The following GPC6 variants were observed in gnomAD, a reference collection of about 807,000 sequenced individuals.
The protein encoded by GPC6 is glypican-6.
A neutral mutation model predicts 55.2 loss-of-function variants in GPC6; 14 were observed. The observed-to-expected ratio is 0.25, with a 90% CI of 0.17 to 0.40. The LOEUF (loss-of-function observed/expected upper bound fraction) is 0.40, where lower values mean the gene tolerates loss of function less well. Ranked by LOEUF, GPC6 falls within the 10% of genes least tolerant of loss-of-function variation. The pLI is 1.00. For synonymous variants in GPC6, 278 were observed against 259.6 expected, an observed-to-expected ratio of 1.07 and a Z score of -0.68; for missense variants, 641 against 708.5, an observed-to-expected ratio of 0.90 and a Z score of 1.08.
At chr13:93,608,703 G>A in intron 2 of GPC6, among the ~76,000 whole-genome samples, 1 of 152,188 alleles carries the variant, frequency 6.6e-6, no homozygotes, top group Non-Finnish European at 1.5e-5. Context: ...TAATTCCTGA[G>A]GAAGTTCTGT....
chr13:93,773,894 G>A (rs548623350), intron 2 of GPC6, among the ~76,000 whole-genome samples: 1 of 152,280 alleles, frequency 6.6e-6, no homozygotes, highest in East Asian at 1.9e-4. Flanking sequence ...TCTTTTAAGG[G>A]AGAGATTTTA....
intron 1 of GPC6, among the ~76,000 whole-genome samples, chr13:93,524,031 G>A (rs2139403904): frequency 6.6e-6 from 1 of 152,112 alleles, no homozygotes; most frequent in African/African-American, 2.4e-5. Flanking sequence ...GGAAAGTCAT[G>A]TATACTGGAG....
At chr13:94,164,121 A>G (rs1449722202) in intron 4 of GPC6, among the ~76,000 whole-genome samples, 1 of 152,210 alleles carries the variant, frequency 6.6e-6, no homozygotes, top group African/African-American at 2.4e-5. Context: ...CCTTAACTTC[A>G]TCACATACCA....
Position 93,830,321 on chromosome 13 carries a change from G to T in GPC6, c.487G>T (p.Asp163Tyr). The change falls in exon 3 of 9, where the codon GAC (aspartate) becomes TAC (tyrosine). Residue 163 changes from aspartate (D) to tyrosine (Y), a missense_variant. By Grantham distance (160) the Asp-to-Tyr change is radical (BLOSUM62 -3). Transcript: ENST00000377047. ...GNVNLEEMLNDFWARLLERMF... is the reference protein window; with the variant it reads ...GNVNLEEMLNYFWARLLERMF... The stretch of plus-strand genomic sequence containing the variant: ...TGTGAATCTGGAGGAAATGCTCAAT[G>T]ACTTTTGGGCTCGGCTCCTGGAACG... 6.2e-7 allele frequency: 1 copy of T among 1,614,002 alleles called. No individual in the cohort carries two copies. The highest frequency in any genetic ancestry group is 1.1e-5 in the South Asian group (1 of 91,074).
intron 1 of GPC6, among the ~76,000 whole-genome samples, chr13:93,523,617 T>G (rs1881534458): frequency 6.6e-6 from 1 of 152,006 alleles, no homozygotes; most frequent in Non-Finnish European, 1.5e-5. Flanking sequence ...TATGGGTATT[T>G]TGTTATGCCT....
intron 2 of GPC6, among the ~76,000 whole-genome samples, chr13:93,605,199 G>A (rs1037050965): frequency 6.6e-6 from 1 of 152,072 alleles, no homozygotes. Flanking sequence ...CTATTAACCT[G>A]CTTCTCTAAT....
chr13:93,226,388 T>C (rs116410777), upstream of GPC6, among the ~76,000 whole-genome samples: 1,119 of 152,322 alleles, frequency 7.3e-3, 16 homozygotes, highest in African/African-American at 0.025. Context: ...TACCAGTCTG[T>C]AATGTGTGCC....
At chr13:93,368,072 T>G (rs149399219) in intron 1 of GPC6, among the ~76,000 whole-genome samples, 3 of 152,284 alleles carry the variant, frequency 2.0e-5, no homozygotes, top group Non-Finnish European at 4.4e-5. Flanking sequence ...TTTCCCATTC[T>G]ATTGTCCTTT....
chr13:94,124,662 C>T (rs769641307), intron 4 of GPC6, among the ~76,000 whole-genome samples: 87 of 152,170 alleles, frequency 5.7e-4, no homozygotes, highest in Non-Finnish European at 9.9e-4. Context: ...TGGGAATGCC[C>T]TCTCGCTCAC....
chr13:94,394,000 C>T (rs981794437), intron 7 of GPC6, among the ~76,000 whole-genome samples: 7 of 152,130 alleles, frequency 4.6e-5, no homozygotes, highest in African/African-American at 1.7e-4. Context: ...TGTTTAATAT[C>T]TCTCAGATGA....
intron 2 of GPC6, among the ~76,000 whole-genome samples, chr13:93,579,691 C>G (rs1209718181): frequency 1.3e-5 from 2 of 152,078 alleles, no homozygotes; most frequent in African/African-American, 4.8e-5. Context: ...GATTAAGATG[C>G]TTGAAGTCTA....
At chr13:94,244,550 C>A (rs2139029896) in intron 4 of GPC6, among the ~76,000 whole-genome samples, 1 of 152,026 alleles carries the variant, frequency 6.6e-6, no homozygotes, top group Non-Finnish European at 1.5e-5. Flanking sequence ...CTAAGAAATT[C>A]CTTAAACATT....
At chr13:93,901,121 A>G (rs1876325676) in intron 3 of GPC6, among the ~76,000 whole-genome samples, 1 of 152,320 alleles carries the variant, frequency 6.6e-6, no homozygotes, top group South Asian at 2.1e-4. Context: ...ACGATGATCA[A>G]TTGACTAAAT....
chr13:93,607,930 T>C (rs1878311749), intron 2 of GPC6, among the ~76,000 whole-genome samples: 1 of 152,290 alleles, frequency 6.6e-6, no homozygotes, highest in Admixed American at 6.5e-5. Context: ...CAGCATCCTA[T>C]TTTCCTTCCA....
chr13:93,739,052 T>A (rs1456640327), intron 2 of GPC6, among the ~76,000 whole-genome samples: 2 of 151,876 alleles, frequency 1.3e-5, no homozygotes, highest in Non-Finnish European at 2.9e-5. Flanking sequence ...AGGTCAGATA[T>A]GAGATGGGAC....
intron 3 of GPC6, among the ~76,000 whole-genome samples, chr13:93,831,677 A>G (rs1390808989): frequency 6.6e-6 from 1 of 152,132 alleles, no homozygotes; most frequent in East Asian, 1.9e-4. Flanking sequence ...CCCATTTTAA[A>G]TTGTTAATTT....
intron 2 of GPC6, among the ~76,000 whole-genome samples, chr13:93,756,170 G>T (rs1256025134): frequency 6.6e-6 from 1 of 152,184 alleles, no homozygotes; most frequent in Non-Finnish European, 1.5e-5. Flanking sequence ...CCACCATGGT[G>T]AGAACAGTGT....
chr13:94,189,211 T>C (rs556346074), intron 4 of GPC6, among the ~76,000 whole-genome samples: 1 of 152,258 alleles, frequency 6.6e-6, no homozygotes, highest in Non-Finnish European at 1.5e-5. Flanking sequence ...AGTCTGTGTG[T>C]AGGTGGTTTA....
At chr13:93,667,077 A>G (rs1193354932) in intron 2 of GPC6, among the ~76,000 whole-genome samples, 2 of 152,124 alleles carry the variant, frequency 1.3e-5, no homozygotes. Context: ...CGCTGTGTCT[A>G]TTTTGCAAAT....
Sources: gnomAD v4.1 joint callset for allele counts (sites outside exome capture counted in the v4.1 genomes callset) on GRCh38, gnomAD v4.1.1 for gene constraint, MANE v1.5 for transcripts, NCBI Gene and HGNC (gene_info 2026-07-23, HGNC 2026-07-21) for gene names.